PDLIM1: variants seen among roughly 807,000 people sequenced by gnomAD.
PDLIM1 encodes the protein PDZ and LIM domain 1.
In PDLIM1, 25 loss-of-function variants were observed where a neutral mutation model predicts 35.2. That is an observed-to-expected ratio of 0.71 (90% CI 0.52 to 0.99). The LOEUF (loss-of-function observed/expected upper bound fraction) is 0.99. Ranked by LOEUF, PDLIM1 falls within the 50% of genes least tolerant of loss-of-function variation. PDLIM1 has a pLI of 0.00. For missense variants in PDLIM1, 363 were observed against 415.3 expected (o/e 0.87, Z 1.09); for synonymous variants, 152 against 154.0 (o/e 0.99, Z 0.10).
At chr10:95,262,723 C>G (rs2035375677) in intron 4 of PDLIM1, among the ~76,000 whole-genome samples, 1 of 152,056 alleles carries the variant, frequency 6.6e-6, no homozygotes, top group Non-Finnish European at 1.5e-5. Flanking sequence ...AGAGAATTGG[C>G]CCCATCTTTA....
chr10:95,271,841 C>G, intron 1 of PDLIM1, 57 bp from the exon 2 acceptor site: 1 of 1,554,930 alleles, frequency 6.4e-7, no homozygotes, highest in East Asian at 2.3e-5. Context: ...CACTAAGTTA[C>G]CACCAAGTTA....
intron 4 of PDLIM1, among the ~76,000 whole-genome samples, chr10:95,250,966 T>C (rs981153060): frequency 6.6e-6 from 1 of 152,218 alleles, no homozygotes; most frequent in Non-Finnish European, 1.5e-5. Flanking sequence ...CAGCCAGGCG[T>C]AGGAGGATCC....
chr10:95,238,224 C>G lies in PDLIM1; in HGVS notation c.804-113G>C, dbSNP rs2035143908. On this transcript the variant is annotated intron_variant, in intron 6 of 6. Transcript: ENST00000329399. ...GGGGCCTGGGGCTTCTCCCCAGGAA[C>G]CCATCACAGGGGAAACCAGGGCCTC... The G allele has an allele frequency of 6.5e-6, 6 of 927,698 alleles. 1 individual carries two copies. The Admixed American group carries it at 1.6e-4, about 25-fold the overall frequency. 57.5% of individuals were successfully genotyped at this position (927,698 alleles called of 1,614,324 possible). A position where few individuals can be genotyped will look rare whatever the true frequency, so the allele number is the denominator to read the frequency against.
At position 95,271,644 on chromosome 10, in the gene PDLIM1, G is replaced by A; in HGVS notation, c.237C>T (p.Leu79=). ...TCCATAGGCTTCACCTGGCTACAGTGAGAGTCAAGTTGTCTGTGCAGCCTT... is the reference window on the plus strand; with the variant it reads ...TCCATAGGCTTCACCTGGCTACAGTAAGAGTCAAGTTGTCTGTGCAGCCTT... ...RIKGCTDNLT[L]TVARSEHKVW... is the part of the protein sequence containing the mutation. Residue 79 remains leucine (L), a synonymous_variant, in exon 2 of 7, where the codon CTC becomes CTT. Transcript: ENST00000329399. 6.2e-7 allele frequency: 1 copy of A among 1,602,938 alleles called. No individual in the cohort carries two copies. Among genetic ancestry groups the A allele is most frequent in the Non-Finnish European group, 8.5e-7 (1 of 1,177,398 alleles).
intron 5 of PDLIM1, among the ~76,000 whole-genome samples, chr10:95,243,916 A>G (rs2035198264): frequency 6.6e-6 from 1 of 152,002 alleles, no homozygotes; most frequent in South Asian, 2.1e-4. Context: ...ATTCATAGAG[A>G]CAAGCAGGAG....
At chr10:95,286,656 T>C (rs1229132062) in intron 1 of PDLIM1, among the ~76,000 whole-genome samples, 2 of 152,232 alleles carry the variant, frequency 1.3e-5, no homozygotes, top group Non-Finnish European at 2.9e-5. Flanking sequence ...GTTAGTTTTC[T>C]GACACAACCA....
In PDLIM1 at chr10:95,238,622, G is replaced by T; in HGVS notation, c.749C>A (p.Ser250Ter). Residue 250 changes from serine (S) to a stop codon, truncating the protein, a stop_gained, in exon 6 of 7, where the codon TCG (serine) becomes TAG (stop). Transcript: ENST00000329399. LOFTEE classifies it high-confidence loss of function. ...AGGCAACTTCTGAGCATTTCCAATC[G>T]ACGCAGCCACTTTAGTGACAGGAGC... ...VKAPVTKVAA[S>*]IGNAQKLPMC... The T allele has an allele frequency of 6.2e-7, 1 of 1,613,996 alleles. No individual in the cohort carries two copies. Among genetic ancestry groups the T allele is most frequent in the Admixed American group, 1.7e-5 (1 of 60,018 alleles).
chr10:95,282,272 G>C (rs770902557), intron 1 of PDLIM1, among the ~76,000 whole-genome samples: 5 of 152,228 alleles, frequency 3.3e-5, no homozygotes, highest in Non-Finnish European at 5.9e-5. Flanking sequence ...ACTCTCTTTA[G>C]TCAGAATCTT....
intron 5 of PDLIM1, among the ~76,000 whole-genome samples, chr10:95,245,987 G>A (rs1261658672): frequency 6.6e-6 from 1 of 152,202 alleles, no homozygotes; most frequent in East Asian, 1.9e-4. Flanking sequence ...TTGCAGCCTG[G>A]CTGAGGCAGG....
At chr10:95,268,920 A>C in intron 2 of PDLIM1, 58 bp from the exon 3 acceptor site, 1 of 1,250,206 alleles carries the variant, frequency 8.0e-7, no homozygotes, top group Non-Finnish European at 1.2e-6. Flanking sequence ...ATATATACCA[A>C]AGACAAACTG....
At chr10:95,281,923 TTC>T (rs45543634) in intron 1 of PDLIM1, among the ~76,000 whole-genome samples, 1,914 of 152,364 alleles carry the variant, frequency 0.013, 44 homozygotes, top group African/African-American at 0.041. Context: ...TTCCTGGCAC[TTC>T]TCTCTCTTTC....
At chr10:95,244,412 T>C (rs1012572175) in intron 5 of PDLIM1, among the ~76,000 whole-genome samples, 2 of 152,214 alleles carry the variant, frequency 1.3e-5, no homozygotes, top group Non-Finnish European at 2.9e-5. Context: ...TCAATGGATC[T>C]GTGCAGAAAC....
At chr10:95,252,044 A>G (rs1057049071) in intron 4 of PDLIM1, among the ~76,000 whole-genome samples, 5 of 152,184 alleles carry the variant, frequency 3.3e-5, no homozygotes, top group Non-Finnish European at 7.4e-5. Context: ...AAACAACACT[A>G]TTCTCCAGCC....
At chr10:95,244,071 T>C (rs1817423449) in intron 5 of PDLIM1, among the ~76,000 whole-genome samples, 2 of 152,164 alleles carry the variant, frequency 1.3e-5, no homozygotes, top group African/African-American at 4.8e-5. Flanking sequence ...TACCACTAAA[T>C]TGTACACTTA....
chr10:95,286,229 T>C (rs1564607590), intron 1 of PDLIM1, among the ~76,000 whole-genome samples: 1 of 152,092 alleles, frequency 6.6e-6, no homozygotes, highest in Non-Finnish European at 1.5e-5. Context: ...TGGTGGCTCA[T>C]GCCTGTGATC....
intron 2 of PDLIM1, 114 bp downstream of exon 2, chr10:95,271,519 A>G (rs748126915): frequency 1.1e-4 from 84 of 787,402 alleles, no homozygotes; most frequent in Non-Finnish European, 1.6e-4. Flanking sequence ...CCTATAGTAT[A>G]TACATGGCAC....
chr10:95,262,226 C>A (rs1425538632), intron 4 of PDLIM1, among the ~76,000 whole-genome samples: 1 of 152,104 alleles, frequency 6.6e-6, no homozygotes, highest in Admixed American at 6.5e-5. Flanking sequence ...AGTATCTTAA[C>A]CTCTCTCAAC....
At chr10:95,282,472 T>C (rs989624628) in intron 1 of PDLIM1, among the ~76,000 whole-genome samples, 1 of 152,182 alleles carries the variant, frequency 6.6e-6, no homozygotes, top group African/African-American at 2.4e-5. Context: ...TGTAGATAAG[T>C]TGCACCTTAA....
At chr10:95,249,843 G>C (rs914463652) in intron 4 of PDLIM1, among the ~76,000 whole-genome samples, 1 of 152,152 alleles carries the variant, frequency 6.6e-6, no homozygotes, top group African/African-American at 2.4e-5. Flanking sequence ...ATGCTTCATG[G>C]CTACCAAAGA....
Sources: gnomAD v4.1 joint callset for allele counts (sites outside exome capture counted in the v4.1 genomes callset) on GRCh38, gnomAD v4.1.1 for gene constraint, MANE v1.5 for transcripts, NCBI Gene and HGNC (gene_info 2026-07-23, HGNC 2026-07-21) for gene names.